The following NPLOC4 variants were observed in gnomAD, a reference collection of about 807,000 sequenced individuals.
NPLOC4 encodes the protein NPL4 homolog, ubiquitin recognition factor.
NPLOC4 carries 18 observed loss-of-function variants against 80.6 expected under a neutral mutation model. The ratio of observed to expected loss-of-function variants is 0.22; its 90% CI spans 0.15 to 0.33. NPLOC4 has a LOEUF of 0.33. Ranked by LOEUF, NPLOC4 falls within the 10% of genes least tolerant of loss-of-function variation. NPLOC4 has a pLI of 1.00. For missense variants in NPLOC4, 540 were observed against 786.1 expected (o/e 0.69, Z 3.74); for synonymous variants, 313 against 301.5 (o/e 1.04, Z -0.39).
Position 81,629,824 on chromosome 17 carries a change from G to A in NPLOC4, c.16-19C>T. Reference sequence around the variant, plus strand: ...GAATTATCTGTTGCAAACAAAACATGATGGTTACTGCACAGCCTAGTGAGG... The same window carrying A: ...GAATTATCTGTTGCAAACAAAACATAATGGTTACTGCACAGCCTAGTGAGG... On this transcript the variant is annotated intron_variant, in intron 1 of 16. Coordinates refer to ENST00000331134, the MANE Select transcript of NPLOC4 (RefSeq NM_017921.4). The A allele has an allele frequency of 6.4e-7, 1 of 1,571,788 alleles. No individual in the cohort carries two copies. Among genetic ancestry groups the A allele is most frequent in the South Asian group, 1.1e-5 (1 of 90,000 alleles).
chr17:81,593,903 C>T (rs2034816614), intron 11 of NPLOC4, among the ~76,000 whole-genome samples: 1 of 152,064 alleles, frequency 6.6e-6, no homozygotes, highest in Non-Finnish European at 1.5e-5. Context: ...TGCAGAATTC[C>T]CAGACCCTCC....
At chr17:81,618,800 G>A (rs530216270) in intron 3 of NPLOC4, among the ~76,000 whole-genome samples, 1 of 152,216 alleles carries the variant, frequency 6.6e-6, no homozygotes, top group Admixed American at 6.5e-5. Context: ...AAATCGGATG[G>A]TTGCTGTGTC....
rs545979816 is a variant in NPLOC4 at position 81,570,531 on chromosome 17, C to T, written c.1354-1420G>A. 2.6e-5 allele frequency among the ~76,000 whole-genome samples: 4 copies of T among 152,262 alleles called. No homozygotes were observed. The South Asian group carries it at 6.2e-4, about 24-fold the overall frequency. On this transcript the variant is annotated intron_variant, in intron 13 of 16. Coordinates refer to ENST00000331134, the MANE Select transcript of NPLOC4 (RefSeq NM_017921.4). ...GGCTCTTGCTGGCCTTGTAACTGGCCCTTGGAGGGGAACAGAACCAAAGTC... is the reference window on the plus strand; with the variant it reads ...GGCTCTTGCTGGCCTTGTAACTGGCTCTTGGAGGGGAACAGAACCAAAGTC...
At chr17:81,628,008 G>C (rs1044906736) in intron 2 of NPLOC4, among the ~76,000 whole-genome samples, 2 of 151,896 alleles carry the variant, frequency 1.3e-5, no homozygotes, top group Middle Eastern at 3.4e-3. Flanking sequence ...GTCAGGAGAT[G>C]AAGACCATCC....
In NPLOC4 at chr17:81,567,670, A is replaced by C; in HGVS notation, c.1450-137T>G. ...CTCTCCCTCTGCCTCTGCAACCACG[A>C]ACAGGGTCCAAGAAAGAGGAGCAGG... On this transcript the variant is annotated intron_variant, in intron 14 of 16. Transcript: ENST00000331134. The surrounding 1 kb of genome is among the most constrained non-coding windows in gnomAD (Gnocchi z 4.5). The C allele has an allele frequency of 1.6e-6, 1 of 622,112 alleles. No homozygotes were observed. Among genetic ancestry groups the C allele is most frequent in the Non-Finnish European group, 2.9e-6 (1 of 343,304 alleles). The allele number at this position is 622,112 out of a possible 1,614,324, so 38.5% of individuals were successfully genotyped here.
chr17:81,558,389 C>T lies in NPLOC4; in HGVS notation c.*870G>A, dbSNP rs980637026. 4 of 152,220 alleles carry T rather than the reference C, an allele frequency of 2.6e-5. No individual in the cohort carries two copies. Among genetic ancestry groups the T allele is most frequent in the African/African-American group, 9.7e-5 (4 of 41,430 alleles). 9.4% of individuals were successfully genotyped at this position (152,220 alleles called of 1,614,324 possible). On this transcript the variant is annotated 3_prime_UTR_variant, in exon 17 of 17. Transcript: ENST00000331134. ...AGGCGCCACCACTGCTCCTGCTCAG[C>T]CCGCAGTATCTGCAGTTGCTGCAGC...
In NPLOC4 at chr17:81,572,113, G is replaced by T; in HGVS notation, c.1282-25C>A. Reference sequence around the variant, plus strand: ...CCTGCAATAGTCAGAGGGGAACAGCGGTGAGCAAAGACGATCAGTAGTAAT... The same window carrying T: ...CCTGCAATAGTCAGAGGGGAACAGCTGTGAGCAAAGACGATCAGTAGTAAT... On this transcript the variant is annotated intron_variant, in intron 12 of 16. Coordinates refer to ENST00000331134, the MANE Select transcript of NPLOC4 (RefSeq NM_017921.4). The surrounding 1 kb of genome is among the most constrained non-coding windows in gnomAD (Gnocchi z 4.5). 1 of 1,548,486 alleles carries T rather than the reference G, an allele frequency of 6.5e-7. No individual in the cohort carries two copies. The highest frequency in any genetic ancestry group is 8.9e-7 in the Non-Finnish European group (1 of 1,129,698).
intron 9 of NPLOC4, among the ~76,000 whole-genome samples, chr17:81,599,288 A>C (rs1404527564): frequency 1.1e-5 from 1 of 92,692 alleles, no homozygotes; most frequent in Non-Finnish European, 2.2e-5. Context: ...GACTCCTCAA[A>C]AAAAAAAAAT....
chr17:81,565,336 C>T (rs535594256), intron 16 of NPLOC4, 169 bp downstream of exon 16: 10 of 712,210 alleles, frequency 1.4e-5, no homozygotes, highest in South Asian at 5.9e-5. Flanking sequence ...GAGCCTGCCA[C>T]GTGCCTGGCA....
intron 1 of NPLOC4, among the ~76,000 whole-genome samples, chr17:81,636,657 G>A (rs770771861): frequency 3.3e-5 from 5 of 152,164 alleles, no homozygotes; most frequent in Admixed American, 6.5e-5. Flanking sequence ...CATTCTCCCT[G>A]CTTAGAAAGG....
At chr17:81,585,170 C>CAAAAAAAAA (rs35473939) in intron 12 of NPLOC4, among the ~76,000 whole-genome samples, 4 of 40,870 alleles carry the variant, frequency 9.8e-5, no homozygotes, top group African/African-American at 2.6e-4. Flanking sequence ...ACTCTGTCGC[C>CAAAAAAAAA]AAAAAAAAAA....
At chr17:81,612,121 G>A (rs1223706342) in intron 4 of NPLOC4, among the ~76,000 whole-genome samples, 7 of 152,166 alleles carry the variant, frequency 4.6e-5, no homozygotes, top group South Asian at 4.1e-4. Flanking sequence ...CTTGTCCCAC[G>A]GCTTTCTAAC....
At chr17:81,614,296 A>AAAAAAAAAT in intron 3 of NPLOC4, 1 of 150,676 alleles carries the variant, frequency 6.6e-6, no homozygotes, top group African/African-American at 2.4e-5. Flanking sequence ...AAAAAAAAAA[A>AAAAAAAAAT]GTGGGATTAC....
Position 81,572,069 on chromosome 17 carries a change from T to C in NPLOC4, c.1301A>G (p.Asn434Ser). 6.2e-7 allele frequency: 1 copy of C among 1,608,862 alleles called. No homozygotes were observed. Among genetic ancestry groups the C allele is most frequent in the Non-Finnish European group, 8.5e-7 (1 of 1,177,000 alleles). The change falls in exon 13 of 17, where the codon AAC becomes AGC. Residue 434 changes from asparagine to serine, a missense_variant. Physicochemically the swap from Asn to Ser is conservative, Grantham distance 46. Transcript: ENST00000331134. This position sits in a 1 kb window ranked among gnomAD's most constrained non-coding sequence, Gnocchi z 4.5. The stretch of plus-strand genomic sequence containing the variant: ...GGGCCGGGCCAGCTGGGTGATCTCG[T>C]TGCCAAACTTGTCTACGTCCTGCAA... ...VFYKDVDKFGNEITQLARPLP... is the reference protein window; with the variant it reads ...VFYKDVDKFGSEITQLARPLP...
intron 12 of NPLOC4, among the ~76,000 whole-genome samples, chr17:81,575,141 C>T (rs2144076347): frequency 6.6e-6 from 1 of 152,272 alleles, no homozygotes; most frequent in East Asian, 1.9e-4. Context: ...GCTCTGTCGC[C>T]CAGGCTGGAG....
intron 12 of NPLOC4, among the ~76,000 whole-genome samples, chr17:81,581,867 G>A (rs1203106036): frequency 1.3e-5 from 2 of 152,240 alleles, no homozygotes; most frequent in African/African-American, 2.4e-5. Context: ...CATCCCGAAA[G>A]CAGAGGCGCA....
chr17:81,589,125 A>G, intron 11 of NPLOC4, 21 bp from the exon 12 acceptor site: 1 of 1,605,116 alleles, frequency 6.2e-7, no homozygotes, highest in Non-Finnish European at 8.5e-7. Flanking sequence ...GAGACCTTTA[A>G]AAAGAGTCTA....
chr17:81,618,189 C>T (rs1249200061), intron 3 of NPLOC4, among the ~76,000 whole-genome samples: 3 of 151,282 alleles, frequency 2.0e-5, no homozygotes, highest in East Asian at 2.0e-4. Context: ...TCTGCCCGGC[C>T]GCCATCCCAT....
intron 11 of NPLOC4, among the ~76,000 whole-genome samples, chr17:81,592,758 C>A (rs376281316): frequency 6.6e-6 from 1 of 152,122 alleles, no homozygotes; most frequent in East Asian, 1.9e-4. Context: ...CCGAGACAGG[C>A]GGATCACTTG....
Sources: gnomAD v4.1 joint callset for allele counts (sites outside exome capture counted in the v4.1 genomes callset) on GRCh38, gnomAD v4.1.1 for gene constraint, Gnocchi (gnomAD v3.1) non-coding constraint, MANE v1.5 for transcripts, NCBI Gene and HGNC (gene_info 2026-07-23, HGNC 2026-07-21) for gene names.